The following DCHS2 variants were observed in gnomAD, a reference collection of about 807,000 sequenced individuals.
DCHS2 encodes the protein protocadherin-23.
A neutral mutation model predicts 182.4 loss-of-function variants in DCHS2; 142 were observed. The observed-to-expected ratio is 0.78, with a 90% CI of 0.68 to 0.89. The LOEUF is 0.89. DCHS2 is among the 40% of genes least tolerant of loss of function. The pLI is 0.00. For missense variants in DCHS2, 4,319 were observed against 4,198.6 expected (o/e 1.03, Z -0.79); for synonymous variants, 1,740 against 1,663.3 (o/e 1.05, Z -1.12).
chr4:154,431,096 CA>C (rs541781484), intron 1 of DCHS2, among the ~76,000 whole-genome samples: 166 of 152,188 alleles, frequency 1.1e-3, no homozygotes, highest in African/African-American at 3.8e-3. Context: ...AAATTCTACC[CA>C]AAAAAATCTG....
At chr4:154,368,265 C>T (rs1730483572) in intron 2 of DCHS2, among the ~76,000 whole-genome samples, 1 of 152,170 alleles carries the variant, frequency 6.6e-6, no homozygotes, top group Admixed American at 6.5e-5. Flanking sequence ...ACAGACCCTG[C>T]TGCTGCTCGA....
At chr4:154,469,408 G>A (rs763323480) in intron 1 of DCHS2, among the ~76,000 whole-genome samples, 2 of 152,086 alleles carry the variant, frequency 1.3e-5, no homozygotes, top group Non-Finnish European at 2.9e-5. Flanking sequence ...GGAGAATTAT[G>A]TTGTTTCAAA....
rs749003185 is a variant in DCHS2, at chr4:154,328,183, C to T, written c.3928G>A (p.Gly1310Ser). Reference protein sequence around the residue: ...GKELHVKVLEGQPVNMLVTTV... With the variant: ...GKELHVKVLESQPVNMLVTTV... ...GTAACCAACATATTTACTGGTTGAC[C>T]TTCCAGAACCTGCCATTAAAACAAA... The change falls in exon 7 of 20, where the codon GGT (glycine) becomes AGT (serine). Residue 1310 changes from glycine to serine, a missense_variant. Gly to Ser is a moderately conservative substitution (Grantham distance 56). Transcript: ENST00000357232. The T allele has an allele frequency of 2.5e-6, 4 of 1,602,970 alleles. No homozygotes were observed. In the Admixed American group the frequency reaches 6.9e-5, roughly 28 times the overall value.
intron 2 of DCHS2, 124 bp from the exon 3 acceptor site, chr4:154,366,565 T>C: frequency 3.0e-6 from 2 of 677,400 alleles, no homozygotes; most frequent in Non-Finnish European, 5.3e-6. Context: ...GGTTTGTATA[T>C]GTATATGTGT....
At chr4:154,272,613 G>A (rs184851120) in intron 13 of DCHS2, among the ~76,000 whole-genome samples, 1 of 151,990 alleles carries the variant, frequency 6.6e-6, no homozygotes, top group Non-Finnish European at 1.5e-5. Context: ...GCCATGTAAG[G>A]CATGCCTCCA....
At chr4:154,437,207 T>G (rs1733816151) in intron 1 of DCHS2, among the ~76,000 whole-genome samples, 1 of 152,156 alleles carries the variant, frequency 6.6e-6, no homozygotes, top group Non-Finnish European at 1.5e-5. Context: ...CAGGTCCCAC[T>G]CCTGAACTAT....
At chr4:154,415,446 G>C (rs1289717637) in intron 1 of DCHS2, among the ~76,000 whole-genome samples, 1 of 152,164 alleles carries the variant, frequency 6.6e-6, no homozygotes, top group Admixed American at 6.5e-5. Flanking sequence ...GCCTCTGGGG[G>C]TGCCACCACA....
At chr4:154,290,302 AAAAAGG>A (rs1274597226) in intron 13 of DCHS2, among the ~76,000 whole-genome samples, 1 of 152,096 alleles carries the variant, frequency 6.6e-6, no homozygotes. Context: ...AGGCTTCACA[AAAAAGG>A]AAAAGATATT....
chr4:154,303,819 T>C (rs1463914039), intron 12 of DCHS2, among the ~76,000 whole-genome samples: 1 of 152,184 alleles, frequency 6.6e-6, no homozygotes, highest in Non-Finnish European at 1.5e-5. Flanking sequence ...ATAATGTAAA[T>C]GATTCTTATC....
chr4:154,476,685 T>G (rs1292467265), intron 1 of DCHS2, among the ~76,000 whole-genome samples: 1 of 152,138 alleles, frequency 6.6e-6, no homozygotes, highest in Non-Finnish European at 1.5e-5. Context: ...ATGGGTAAGG[T>G]CTCTGCCATC....
At chr4:154,358,745 T>G (rs1225445655) in intron 3 of DCHS2, among the ~76,000 whole-genome samples, 1 of 152,024 alleles carries the variant, frequency 6.6e-6, no homozygotes, top group Non-Finnish European at 1.5e-5. Context: ...AAAACCTATT[T>G]ACTTGAATCT....
intron 1 of DCHS2, among the ~76,000 whole-genome samples, chr4:154,444,033 CCCAGCTG>C (rs1384288799): frequency 6.6e-6 from 1 of 152,120 alleles, no homozygotes; most frequent in Non-Finnish European, 1.5e-5. Flanking sequence ...CTCCTCCCTG[CCCAGCTG>C]CTTTTTCTCA....
intron 10 of DCHS2, among the ~76,000 whole-genome samples, chr4:154,307,211 A>C (rs980385699): frequency 6.6e-6 from 1 of 152,224 alleles, no homozygotes; most frequent in African/African-American, 2.4e-5. Flanking sequence ...GAACAAACAT[A>C]GCATCATCAA....
intron 1 of DCHS2, among the ~76,000 whole-genome samples, chr4:154,469,536 T>A (rs1049041203): frequency 6.6e-6 from 1 of 152,170 alleles, no homozygotes; most frequent in Non-Finnish European, 1.5e-5. Context: ...TACTTGTAAG[T>A]TTCAAATCAT....
Position 154,332,659 on chromosome 4 carries a change from A to G in DCHS2, c.3549T>C (p.Asp1183=), listed in dbSNP as rs756188357. 1.4e-5 allele frequency: 22 copies of G among 1,614,258 alleles called. No individual in the cohort carries two copies. The highest frequency in any genetic ancestry group is 1.8e-5 in the Non-Finnish European group (21 of 1,180,048). ...AGAAGGTGGGGGAATTGTCATTCTC[A>G]TCCCAGACACGAACAATGACTGTAG... ...VSTTVIVRVW[D]ENDNSPTFLH... Residue 1183 remains aspartate (D), a synonymous_variant, in exon 5 of 20, where the codon GAT becomes GAC. Transcript: ENST00000357232.
At chr4:154,329,927 A>G (rs578156097) in intron 5 of DCHS2, among the ~76,000 whole-genome samples, 1 of 152,358 alleles carries the variant, frequency 6.6e-6, no homozygotes, top group African/African-American at 2.4e-5. Flanking sequence ...TTGTATTTCA[A>G]ATTATCATCC....
chr4:154,467,452 C>T (rs1735284347), intron 1 of DCHS2, among the ~76,000 whole-genome samples: 1 of 152,060 alleles, frequency 6.6e-6, no homozygotes, highest in South Asian at 2.1e-4. Context: ...TAAATACATA[C>T]TCTATAGCCA....
In DCHS2 at chr4:154,334,920, T is replaced by G. The variant is rs1189988856; in HGVS notation, c.2661A>C (p.Glu887Asp). 6.2e-7 allele frequency: 1 copy of G among 1,614,234 alleles called. No homozygotes were observed. Among genetic ancestry groups the G allele is most frequent in the Admixed American group, 1.7e-5 (1 of 60,032 alleles). ...ERPKYTFLVY[E>D]DVPEDSPIGT... Reference sequence around the variant, plus strand: ...CAATGGGACTATCTTCAGGCACATCTTCATAAACTAAGAAAGTGTACTTAG... The same window carrying G: ...CAATGGGACTATCTTCAGGCACATCGTCATAAACTAAGAAAGTGTACTTAG... Residue 887 changes from glutamate (E) to aspartate (D), a missense_variant, in exon 4 of 20, where the codon GAA becomes GAC. Glu to Asp is a conservative substitution (Grantham distance 45). Transcript: ENST00000357232.
chr4:154,283,444 T>G (rs1233586486), intron 13 of DCHS2, among the ~76,000 whole-genome samples: 1 of 140,252 alleles, frequency 7.1e-6, no homozygotes, highest in Non-Finnish European at 1.6e-5. Flanking sequence ...CTTATTTTTT[T>G]ATAAGTTTAA....
Sources: allele counts gnomAD v4.1 joint callset (sites outside exome capture counted in the v4.1 genomes callset), GRCh38; gene constraint gnomAD v4.1.1; transcripts MANE v1.5; gene names NCBI Gene and HGNC (gene_info 2026-07-23, HGNC 2026-07-21).